DHX8: variants seen among roughly 807,000 people sequenced by gnomAD.
The protein encoded by DHX8 is ATP-dependent RNA helicase DHX8.
DHX8 carries 67 observed loss-of-function variants against 140.7 expected under a neutral mutation model. That is an observed-to-expected ratio of 0.48 (90% CI 0.39 to 0.58). DHX8 has a LOEUF of 0.58. DHX8 is among the 20% of genes least tolerant of loss of function. The pLI is 0.00. For synonymous variants in DHX8, 533 were observed against 553.2 expected (o/e 0.96, Z 0.51); for missense variants, 887 against 1,550.7 (o/e 0.57, Z 7.19).
chr17:43,511,489 T>C (rs1026596768), intron 16 of DHX8, among the ~76,000 whole-genome samples: 29 of 122,362 alleles, frequency 2.4e-4, no homozygotes, highest in South Asian at 5.4e-4. Flanking sequence ...ACAGAGTCTT[T>C]CTCTGTCATC....
chr17:43,484,873 G>C (rs771739671), intron 1 of DHX8, among the ~76,000 whole-genome samples: 4 of 152,128 alleles, frequency 2.6e-5, no homozygotes, highest in Non-Finnish European at 2.9e-5. Flanking sequence ...GAACTTCTGG[G>C]CTCAAGCAGT....
chr17:43,523,690 A>T lies in DHX8; in HGVS notation c.3506A>T (p.Asp1169Val). 6.2e-7 allele frequency: 1 copy of T among 1,613,992 alleles called. No homozygotes were observed. The highest frequency in any genetic ancestry group is 8.5e-7 in the Non-Finnish European group (1 of 1,179,980). Residue 1169 changes from aspartate (D) to valine (V), a missense_variant, in exon 23 of 23, where the codon GAC becomes GTC. By Grantham distance (152) the Asp-to-Val change is radical. Coordinates refer to ENST00000262415, the MANE Select transcript of DHX8 (RefSeq NM_004941.3). ...TACATGCGTGAAGTTACCACCATCG[A>T]CCCTCGGTGGCTTGTGGAGTTTGCC... ...KEYMREVTTI[D>V]PRWLVEFAPA...
At chr17:43,520,414 C>G (rs1236485094) in intron 19 of DHX8, 147 bp downstream of exon 19, 8 of 1,073,472 alleles carry the variant, frequency 7.5e-6, no homozygotes, top group Non-Finnish European at 1.0e-5. Flanking sequence ...AATTTCTCCA[C>G]TGTCACTTTA....
In DHX8 at chr17:43,508,364, TCAG is replaced by T; in HGVS notation, c.2347_2349del (p.Gln783del). 6.2e-7 allele frequency: 1 copy of T among 1,612,614 alleles called. No individual in the cohort carries two copies. The highest frequency in any genetic ancestry group is 8.5e-7 in the Non-Finnish European group (1 of 1,178,964). On this transcript the variant is annotated inframe_deletion, in exon 16 of 23. Transcript: ENST00000262415. Reference sequence around the variant, plus strand: ...GTGATATCCTGGTCTTCCTGACTGGTCAGGAAGAAATTGATACTGCTTGTGAGA... The same window carrying T: ...GTGATATCCTGGTCTTCCTGACTGGTGAAGAAATTGATACTGCTTGTGAGA...
At chr17:43,518,708 T>A (rs1970233805) in intron 18 of DHX8, 1 of 152,166 alleles carries the variant, frequency 6.6e-6, no homozygotes, top group South Asian at 2.1e-4. Flanking sequence ...CAGAACTTTT[T>A]CATTGTCCCA....
At chr17:43,513,109 G>A (rs186488669) in intron 16 of DHX8, among the ~76,000 whole-genome samples, 1 of 152,122 alleles carries the variant, frequency 6.6e-6, no homozygotes, top group Non-Finnish European at 1.5e-5. Flanking sequence ...AATGAAATTG[G>A]CTTTTATTGG....
chr17:43,496,123 CA>C (rs955776373), intron 8 of DHX8, 57 bp from the exon 9 acceptor site: 503 of 1,398,800 alleles, frequency 3.6e-4, no homozygotes, highest in South Asian at 5.0e-4. Context: ...AACCAAAAAA[CA>C]AAAAAAAAGT....
At chr17:43,498,235 C>T (rs1361963792) in intron 9 of DHX8, among the ~76,000 whole-genome samples, 1 of 151,710 alleles carries the variant, frequency 6.6e-6, no homozygotes. Context: ...ACCTCTGCCT[C>T]CCGGGTTCAA....
chr17:43,521,651 C>CTT, intron 21 of DHX8, 86 bp downstream of exon 21: 1 of 1,262,820 alleles, frequency 7.9e-7, no homozygotes, highest in Non-Finnish European at 1.1e-6. Context: ...ACCTATAAAG[C>CTT]TATAGGCACC....
downstream of DHX8, chr17:43,529,930 C>T (rs2154587035): frequency 6.2e-7 from 1 of 1,614,164 alleles, no homozygotes; most frequent in East Asian, 2.2e-5. Flanking sequence ...GGAATGGTCG[C>T]AGAGGTTTCT....
downstream of DHX8, chr17:43,529,562 G>A: frequency 1.9e-6 from 3 of 1,614,062 alleles, no homozygotes; most frequent in Non-Finnish European, 2.5e-6. Context: ...AATGAAATGG[G>A]CATTTGTTGG....
chr17:43,542,887 G>A (rs1450861464), intron 3 of DHX8, among the ~76,000 whole-genome samples: 1 of 152,096 alleles, frequency 6.6e-6, no homozygotes, highest in Non-Finnish European at 1.5e-5. Flanking sequence ...TCCTCCTAAT[G>A]CGTCCCACCA....
Position 43,525,308 on chromosome 17 carries a change from C to T in DHX8, c.*1461C>T. On this transcript the variant is annotated 3_prime_UTR_variant, in exon 23 of 23. Transcript: ENST00000262415. ...CTACTGTAGAACTGTATGCCAGACA[C>T]TAAGAGAGACTATGTAACATTCCAG... 1.0e-6 allele frequency: 1 copy of T among 985,286 alleles called. No individual in the cohort carries two copies. The highest frequency in any genetic ancestry group is 1.2e-6 in the Non-Finnish European group (1 of 829,824). The allele number at this position is 985,286 out of a possible 1,614,324, so 61.0% of individuals were successfully genotyped here.
At chr17:43,520,388 GT>G in intron 19 of DHX8, 121 bp downstream of exon 19, 9 of 1,286,838 alleles carry the variant, frequency 7.0e-6, no homozygotes, top group Non-Finnish European at 9.5e-6. Context: ...AATTCTAAAT[GT>G]TTGTTTTTAA....
chr17:43,523,316 TA>T (rs1358581930), intron 22 of DHX8, among the ~76,000 whole-genome samples: 1 of 152,162 alleles, frequency 6.6e-6, no homozygotes, highest in Non-Finnish European at 1.5e-5. Context: ...AACATTCTAA[TA>T]AACATCCTCA....
At chr17:43,507,245 A>G in intron 13 of DHX8, 48 bp downstream of exon 13, 2 of 1,544,668 alleles carry the variant, frequency 1.3e-6, no homozygotes, top group Non-Finnish European at 1.8e-6. Context: ...GCAAAGGCCC[A>G]GGTCTCTTAA....
chr17:43,500,855 G>A (rs1224356277), intron 11 of DHX8, among the ~76,000 whole-genome samples: 1 of 152,090 alleles, frequency 6.6e-6, no homozygotes, highest in Non-Finnish European at 1.5e-5. Flanking sequence ...AGGTTGCAGT[G>A]AGCCAAGATC....
At chr17:43,508,047 T>C in intron 15 of DHX8, 28 bp downstream of exon 15, 1 of 1,606,822 alleles carries the variant, frequency 6.2e-7, no homozygotes, top group South Asian at 1.1e-5. Flanking sequence ...TTTTCCTTTT[T>C]GGGAGGCCTA....
chr17:43,504,482 A>G (rs930963185), intron 11 of DHX8, among the ~76,000 whole-genome samples, 162 bp from the exon 12 acceptor site: 3 of 152,104 alleles, frequency 2.0e-5, no homozygotes, highest in East Asian at 3.9e-4. Flanking sequence ...TGCCCCTTCT[A>G]TATTCTTTTC....
Sources: allele counts gnomAD v4.1 joint callset (sites outside exome capture counted in the v4.1 genomes callset), GRCh38; gene constraint gnomAD v4.1.1; transcripts MANE v1.5; gene names NCBI Gene and HGNC (gene_info 2026-07-23, HGNC 2026-07-21).